Variants in EIF4EBP2 observed in about 807,000 individuals in gnomAD.
The protein encoded by EIF4EBP2 is eukaryotic translation initiation factor 4E-binding protein 2.
In EIF4EBP2, 5 loss-of-function variants were observed where a neutral mutation model predicts 10.3. The observed-to-expected ratio is 0.48, with a 90% CI of 0.25 to 1.02. The LOEUF (loss-of-function observed/expected upper bound fraction) is 1.02. EIF4EBP2 is among the 50% of genes least tolerant of loss of function. The pLI is 0.15. For synonymous variants in EIF4EBP2, 67 were observed against 61.1 expected (o/e 1.10, Z -0.45); for missense variants, 188 against 162.2 (o/e 1.16, Z -0.86).
At chr10:70,420,760 T>C (rs887669516) in intron 2 of EIF4EBP2, among the ~76,000 whole-genome samples, 3 of 152,118 alleles carry the variant, frequency 2.0e-5, no homozygotes, top group Non-Finnish European at 4.4e-5. Context: ...AGCCCCCATT[T>C]CCATCACCCT....
intron 1 of EIF4EBP2, among the ~76,000 whole-genome samples, chr10:70,416,403 A>G (rs1375505524): frequency 6.6e-6 from 1 of 151,980 alleles, no homozygotes; most frequent in Non-Finnish European, 1.5e-5. Context: ...ACATGGTGAA[A>G]CCCTGTCTCT....
Position 70,425,997 on chromosome 10 carries a change from T to C in EIF4EBP2, c.*4250T>C, listed in dbSNP as rs930796628. 2.0e-5 allele frequency: 3 copies of C among 152,222 alleles called. No individual in the cohort carries two copies. The highest frequency in any genetic ancestry group is 6.5e-5 in the Admixed American group (1 of 15,290). 9.4% of individuals were successfully genotyped at this position (152,222 alleles called of 1,614,324 possible). On this transcript the variant is annotated 3_prime_UTR_variant, in exon 3 of 3. Transcript: ENST00000373218. Reference sequence around the variant, plus strand: ...ACCACTCAATAAAATAGAGAACATCTGAGAATTACAAATGTCTATGCTTGA... The same window carrying C: ...ACCACTCAATAAAATAGAGAACATCCGAGAATTACAAATGTCTATGCTTGA...
intron 1 of EIF4EBP2, among the ~76,000 whole-genome samples, chr10:70,405,813 T>G (rs1844959768): frequency 6.6e-6 from 1 of 152,156 alleles, no homozygotes; most frequent in Non-Finnish European, 1.5e-5. Flanking sequence ...CAGGCCGCTC[T>G]GGGGGCTGGG....
At chr10:70,407,781 T>C (rs1292284132) in intron 1 of EIF4EBP2, among the ~76,000 whole-genome samples, 3 of 124,296 alleles carry the variant, frequency 2.4e-5, no homozygotes, top group Admixed American at 8.6e-5. Flanking sequence ...GCAGAGGGGC[T>C]CCTCACTTCC....
chr10:70,416,665 A>ATTTT (rs55809354), intron 1 of EIF4EBP2, among the ~76,000 whole-genome samples: 1 of 101,344 alleles, frequency 9.9e-6, no homozygotes, highest in African/African-American at 3.6e-5. Flanking sequence ...TAATTTTTTA[A>ATTTT]TTTTTTTTTT....
At position 70,420,002 on chromosome 10, in the gene EIF4EBP2, C is replaced by G. The variant is rs370428003; in HGVS notation, c.234C>G (p.Ile78Met). 4 of 1,613,304 alleles carry G rather than the reference C, an allele frequency of 2.5e-6. No individual in the cohort carries two copies. Among genetic ancestry groups the G allele is most frequent in the Non-Finnish European group, 2.5e-6 (3 of 1,179,770 alleles). Residue 78 changes from isoleucine to methionine, a missense_variant, in exon 2 of 3, where the codon ATC becomes ATG. Physicochemically the swap from Ile to Met is conservative, Grantham distance 10. Coordinates refer to ENST00000373218, the MANE Select transcript of EIF4EBP2 (RefSeq NM_004096.5). The part of the protein sequence containing the change: ...AQTPPCHLPN[I>M]PGVTSPGTLI... ...CCCCACCCTGCCACCTGCCCAATAT[C>G]CCAGGAGTCACTAGCCCTGGCACCT...
rs888763964 is a variant in EIF4EBP2 at position 70,419,891 on chromosome 10, C to T, written c.146-23C>T. On this transcript the variant is annotated intron_variant, in intron 1 of 2. Transcript: ENST00000373218. ...TGATAACCCCTTAAATTGTTTCAAA[C>T]TCTTTTTAACCCTGTTTTCCAGGAA... 8 of 1,526,276 alleles carry T rather than the reference C, an allele frequency of 5.2e-6. No homozygotes were observed. The African/African-American group carries it at 9.8e-5, about 19-fold the overall frequency. 94.5% of individuals were successfully genotyped at this position (1,526,276 alleles called of 1,614,324 possible).
chr10:70,411,271 G>T (rs1054864727), intron 1 of EIF4EBP2, among the ~76,000 whole-genome samples: 2 of 152,058 alleles, frequency 1.3e-5, no homozygotes, highest in African/African-American at 4.8e-5. Context: ...ATCCTACTTT[G>T]TGTCTTCATG....
intron 1 of EIF4EBP2, among the ~76,000 whole-genome samples, chr10:70,411,333 C>T (rs1488507480): frequency 2.6e-5 from 4 of 151,978 alleles, no homozygotes; most frequent in Admixed American, 6.6e-5. Flanking sequence ...AGTAATTGTC[C>T]TTTCGTAAAT....
chr10:70,421,964 C>G lies in EIF4EBP2; in HGVS notation c.*217C>G. ...TCTCCTGTTCCCCTTCCCAGTTAAACAGGTTAGATTGAAGGCCCTTGCTGT... is the reference window on the plus strand; with the variant it reads ...TCTCCTGTTCCCCTTCCCAGTTAAAGAGGTTAGATTGAAGGCCCTTGCTGT... On this transcript the variant is annotated 3_prime_UTR_variant, in exon 3 of 3. Transcript: ENST00000373218. 9.1e-6 allele frequency: 5 copies of G among 547,720 alleles called. No individual in the cohort carries two copies. In the South Asian group the frequency reaches 1.3e-4, roughly 15 times the overall value. 33.9% of individuals were successfully genotyped at this position (547,720 alleles called of 1,614,324 possible).
chr10:70,407,881 TG>T (rs1844994225), intron 1 of EIF4EBP2, among the ~76,000 whole-genome samples: 2 of 85,878 alleles, frequency 2.3e-5, no homozygotes, highest in Admixed American at 1.2e-4. Flanking sequence ...CCCTCCCGGA[TG>T]GGGCGGCTGG....
chr10:70,413,676 ATTC>A (rs1845066177), intron 1 of EIF4EBP2, among the ~76,000 whole-genome samples: 1 of 151,614 alleles, frequency 6.6e-6, no homozygotes, highest in Non-Finnish European at 1.5e-5. Context: ...TTAACTGTTA[ATTC>A]TTCTATGCTT....
In EIF4EBP2 at chr10:70,419,941, T is replaced by C; in HGVS notation, c.173T>C (p.Phe58Ser). The C allele has an allele frequency of 1.2e-5, 19 of 1,589,962 alleles. No individual in the cohort carries two copies. The highest frequency in any genetic ancestry group is 1.6e-5 in the Non-Finnish European group (19 of 1,172,248). The part of the protein sequence containing the change: ...GGTRIIYDRK[F>S]LLDRRNSPMA... ...ACTCGAATCATTTATGACAGAAAGT[T>C]TCTGTTGGATCGTCGCAATTCTCCC... The change falls in exon 2 of 3, where the codon TTT becomes TCT. Residue 58 changes from phenylalanine (F) to serine (S), a missense_variant. Transcript: ENST00000373218.
Position 70,426,726 on chromosome 10 carries a change from C to T in EIF4EBP2, c.*4979C>T, listed in dbSNP as rs1485273616. 2.0e-5 allele frequency: 3 copies of T among 152,186 alleles called. No individual in the cohort carries two copies. Among genetic ancestry groups the T allele is most frequent in the African/African-American group, 7.2e-5 (3 of 41,446 alleles). 9.4% of individuals were successfully genotyped at this position (152,186 alleles called of 1,614,324 possible). On this transcript the variant is annotated 3_prime_UTR_variant, in exon 3 of 3. Coordinates refer to ENST00000373218, the MANE Select transcript of EIF4EBP2 (RefSeq NM_004096.5). Reference sequence around the variant, plus strand: ...GGATTCTTCTTCCAGAAGTAAAGAACTCATCTTTAGAGTACCTTTAAATGA... The same window carrying T: ...GGATTCTTCTTCCAGAAGTAAAGAATTCATCTTTAGAGTACCTTTAAATGA...
rs199961116 is a variant in EIF4EBP2, at chr10:70,404,515, C to T, written c.114C>T (p.Pro38=). Residue 38 remains proline (P), a synonymous_variant, in exon 1 of 3, where the codon CCC becomes CCT. Coordinates refer to ENST00000373218, the MANE Select transcript of EIF4EBP2 (RefSeq NM_004096.5). ...AQLPHDYCTT[P]GGTLFSTTPG... The stretch of plus-strand genomic sequence containing the variant: ...TACCTCATGACTATTGCACCACGCC[C>T]GGGGGGACGCTCTTCTCCACCACAC... 241 of 1,590,328 alleles carry T rather than the reference C, an allele frequency of 1.5e-4. No homozygotes were observed. Among genetic ancestry groups the T allele is most frequent in the Non-Finnish European group, 2.6e-5 (31 of 1,171,606 alleles).
Position 70,404,391 on chromosome 10 carries a change from C to T in EIF4EBP2, c.-11C>T, listed in dbSNP as rs371857772. 3.5e-5 allele frequency: 55 copies of T among 1,560,458 alleles called. No homozygotes were observed. Among genetic ancestry groups the T allele is most frequent in the Middle Eastern group, 4.6e-4 (2 of 4,344 alleles). On this transcript the variant is annotated 5_prime_UTR_variant, in exon 1 of 3. Transcript: ENST00000373218. ...CCCGCCGGACAAAGCCGAGAGCCCGCGCCCACAGCCATGTCCTCGTCAGCC... is the reference window on the plus strand; with the variant it reads ...CCCGCCGGACAAAGCCGAGAGCCCGTGCCCACAGCCATGTCCTCGTCAGCC...
chr10:70,423,399 T>A lies in EIF4EBP2; in HGVS notation c.*1652T>A, dbSNP rs1845177875. 6.5e-6 allele frequency: 1 copy of A among 152,674 alleles called. No individual in the cohort carries two copies. The highest frequency in any genetic ancestry group is 2.4e-5 in the African/African-American group (1 of 41,446). 9.5% of individuals were successfully genotyped at this position (152,674 alleles called of 1,614,324 possible). On this transcript the variant is annotated 3_prime_UTR_variant, in exon 3 of 3. Transcript: ENST00000373218. ...AGCCTCATTCTTTTCTGTGACCCTT[T>A]CGCTTTTGCATTCACCCTCCTTCCC...
chr10:70,427,611 GAGA>G lies in EIF4EBP2; in HGVS notation c.*5867_*5869del, dbSNP rs1390415711. The G allele has an allele frequency of 1.3e-5, 2 of 152,176 alleles. No individual in the cohort carries two copies. Among genetic ancestry groups the G allele is most frequent in the African/African-American group, 4.8e-5 (2 of 41,428 alleles). 9.4% of individuals were successfully genotyped at this position (152,176 alleles called of 1,614,324 possible). A position where few individuals can be genotyped will look rare whatever the true frequency, so the allele number is the denominator to read the frequency against. ...ACCTTTTGGCAAAGCTTAGATTTAG[GAGA>G]AGGCTTGAGTCCCTGTTCAGCGGGT... On this transcript the variant is annotated 3_prime_UTR_variant, in exon 3 of 3. Transcript: ENST00000373218.
At chr10:70,413,897 T>C (rs1274535639) in intron 1 of EIF4EBP2, among the ~76,000 whole-genome samples, 1 of 152,214 alleles carries the variant, frequency 6.6e-6, no homozygotes, top group Non-Finnish European at 1.5e-5. Flanking sequence ...TATGGATTTC[T>C]TGTGTAGTCT....
Sources: allele counts gnomAD v4.1 joint callset (sites outside exome capture counted in the v4.1 genomes callset), GRCh38; gene constraint gnomAD v4.1.1; transcripts MANE v1.5; gene names NCBI Gene and HGNC (gene_info 2026-07-23, HGNC 2026-07-21).